The following BRSK1 variants were observed in gnomAD, a reference collection of about 807,000 sequenced individuals.
BRSK1 encodes serine/threonine-protein kinase BRSK1.
A neutral mutation model predicts 86.2 loss-of-function variants in BRSK1; 17 were observed. The ratio of observed to expected loss-of-function variants is 0.20; its 90% CI spans 0.14 to 0.30. The LOEUF (loss-of-function observed/expected upper bound fraction) is 0.30. BRSK1 is among the 10% of genes least tolerant of loss of function. The probability of loss-of-function intolerance (pLI) is 1.00; values close to 1 mark genes in which losing one functional copy is unlikely to be tolerated. For synonymous variants in BRSK1, 464 were observed against 440.1 expected, an observed-to-expected ratio of 1.05 and a Z score of -0.68; for missense variants, 719 against 1,071.9, an observed-to-expected ratio of 0.67 and a Z score of 4.60.
chr19:55,290,058 G>C (rs12461244), intron 4 of BRSK1, among the ~76,000 whole-genome samples: 65,761 of 152,034 alleles, frequency 0.43, 14,534 homozygotes, highest in East Asian at 0.72. Flanking sequence ...GCAATGGTGT[G>C]ATCTTGGCTC....
intron 7 of BRSK1, among the ~76,000 whole-genome samples, chr19:55,300,436 C>T (rs1013074143): frequency 1.3e-5 from 2 of 152,224 alleles, no homozygotes; most frequent in African/African-American, 4.8e-5. Context: ...GGTGCGGTGG[C>T]TCACACCTGT....
chr19:55,305,623 C>T (rs749798170), intron 16 of BRSK1, 37 bp downstream of exon 16: 8 of 1,612,828 alleles, frequency 5.0e-6, no homozygotes, highest in African/African-American at 2.7e-5. Context: ...CTGGCCCCCG[C>T]AGAACTACAA....
chr19:55,286,234 T>C (rs1236620283), intron 1 of BRSK1, among the ~76,000 whole-genome samples: 1 of 133,588 alleles, frequency 7.5e-6, no homozygotes, highest in Non-Finnish European at 1.6e-5. Flanking sequence ...AATGGGGGCC[T>C]GGACTCCTGG....
At position 55,304,235 on chromosome 19, in the gene BRSK1, C is replaced by A; in HGVS notation, c.1347+125C>A. The A allele has an allele frequency of 9.5e-7, 1 of 1,048,544 alleles. No homozygotes were observed. The highest frequency in any genetic ancestry group is 1.4e-6 in the Non-Finnish European group (1 of 734,182). The allele number at this position is 1,048,544 out of a possible 1,614,324, so 65.0% of individuals were successfully genotyped here. A position where few individuals can be genotyped will look rare whatever the true frequency, so the allele number is the denominator to read the frequency against. The stretch of plus-strand genomic sequence containing the variant: ...ACTTGCTTCTTTGTCCCTGGAGGGC[C>A]AAAGACCCAAGGCCTCCAAAGTATT... On this transcript the variant is annotated intron_variant, in intron 13 of 18. Coordinates refer to ENST00000309383, the MANE Select transcript of BRSK1 (RefSeq NM_032430.2). The surrounding 1 kb of genome is among the most constrained non-coding windows in gnomAD (Gnocchi z 5.2).
chr19:55,291,884 G>A (rs931124315), intron 4 of BRSK1, among the ~76,000 whole-genome samples: 5 of 152,142 alleles, frequency 3.3e-5, no homozygotes, highest in South Asian at 2.1e-4. Context: ...TCAACCTTCC[G>A]AGTACCTGGG....
rs577273664 is a variant in BRSK1, at chr19:55,294,466, T to G, written c.678+69T>G. 1,065 of 1,519,554 alleles carry G rather than the reference T, an allele frequency of 7.0e-4. 19 individuals carry two copies. The South Asian group carries it at 0.011, about 16-fold the overall frequency. 94.1% of individuals were successfully genotyped at this position (1,519,554 alleles called of 1,614,324 possible). A position where few individuals can be genotyped will look rare whatever the true frequency, so the allele number is the denominator to read the frequency against. ...CCTGGTGGGAGCATAGGACAGTACC[T>G]TCCATCCTCAGGTCATCTCCTGAAT... On this transcript the variant is annotated intron_variant, in intron 7 of 18. Transcript: ENST00000309383. The surrounding 1 kb of genome is among the most constrained non-coding windows in gnomAD (Gnocchi z 4.9).
Position 55,294,171 on chromosome 19 carries a change from G to A in BRSK1, c.575+38G>A. 1 of 1,611,806 alleles carries A rather than the reference G, an allele frequency of 6.2e-7. No homozygotes were observed. The highest frequency in any genetic ancestry group is 8.5e-7 in the Non-Finnish European group (1 of 1,178,276). On this transcript the variant is annotated intron_variant, in intron 5 of 18. Coordinates refer to ENST00000309383, the MANE Select transcript of BRSK1 (RefSeq NM_032430.2). This position sits in a 1 kb window ranked among gnomAD's most constrained non-coding sequence, Gnocchi z 4.9. ...TGGGCTCCCGAGACCCTGGGCAGGG[G>A]TTTAGAAGCTGGCTGGAGGCTCACA...
In BRSK1 at chr19:55,311,982, C is replaced by G. The variant is rs749161942; in HGVS notation, c.2251C>G (p.Pro751Ala). The G allele has an allele frequency of 6.3e-7, 1 of 1,583,918 alleles. No homozygotes were observed. The highest frequency in any genetic ancestry group is 1.3e-5 in the African/African-American group (1 of 74,300). The change falls in exon 19 of 19, where the codon CCA becomes GCA. Residue 751 changes from proline (P) to alanine (A), a missense_variant. Coordinates refer to ENST00000309383, the MANE Select transcript of BRSK1 (RefSeq NM_032430.2). ...AAGCCTGCAGCCCCCACCCGGCCGC[C>G]CAGACCCAGAGCTGAGCAGCTCTCC... ...PRSLQPPPGR[P>A]DPELSSSPRR...
intron 18 of BRSK1, among the ~76,000 whole-genome samples, chr19:55,308,964 G>T (rs1334512167): frequency 5.3e-5 from 8 of 152,134 alleles, no homozygotes; most frequent in Admixed American, 4.6e-4. Context: ...TTGTGAGCAG[G>T]TTCCCCGAGA....
At chr19:55,289,916 C>T (rs1275607320) in intron 4 of BRSK1, among the ~76,000 whole-genome samples, 2 of 152,208 alleles carry the variant, frequency 1.3e-5, no homozygotes, top group Non-Finnish European at 2.9e-5. Context: ...CCCCGGCAAC[C>T]TATGTTCTGT....
rs899832365 is a variant in BRSK1 at position 55,302,475 on chromosome 19, G to A, written c.858-222G>A. The A allele has an allele frequency of 1.1e-4, 67 of 636,834 alleles. No individual in the cohort carries two copies. The highest frequency in any genetic ancestry group is 1.7e-4 in the Non-Finnish European group (62 of 372,568). The allele number at this position is 636,834 out of a possible 1,614,324, so 39.4% of individuals were successfully genotyped here. ...GACTTCTGGGTCTGAAGAAGGAGGG[G>A]CCGGGGGCCTGGACCCCTCGGTCGG... On this transcript the variant is annotated intron_variant, in intron 9 of 18. Coordinates refer to ENST00000309383, the MANE Select transcript of BRSK1 (RefSeq NM_032430.2). The surrounding 1 kb of genome is among the most constrained non-coding windows in gnomAD (Gnocchi z 6.3).
Position 55,294,183 on chromosome 19 carries a change from G to A in BRSK1, c.576-31G>A. The A allele has an allele frequency of 1.2e-6, 2 of 1,612,114 alleles. No individual in the cohort carries two copies. The highest frequency in any genetic ancestry group is 1.7e-6 in the Non-Finnish European group (2 of 1,178,514). On this transcript the variant is annotated intron_variant, in intron 5 of 18. Transcript: ENST00000309383. This position sits in a 1 kb window ranked among gnomAD's most constrained non-coding sequence, Gnocchi z 4.9. Reference sequence around the variant, plus strand: ...ACCCTGGGCAGGGGTTTAGAAGCTGGCTGGAGGCTCACATCAGCTCTCTCC... The same window carrying A: ...ACCCTGGGCAGGGGTTTAGAAGCTGACTGGAGGCTCACATCAGCTCTCTCC...
intron 18 of BRSK1, among the ~76,000 whole-genome samples, chr19:55,309,521 C>T (rs1232602063): frequency 6.6e-6 from 1 of 152,234 alleles, no homozygotes; most frequent in Admixed American, 6.5e-5. Context: ...AGCGTTGGTG[C>T]CTGGTGAGAG....
intron 7 of BRSK1, among the ~76,000 whole-genome samples, chr19:55,300,477 C>CA (rs2122970060): frequency 6.6e-6 from 1 of 152,032 alleles, no homozygotes; most frequent in African/African-American, 2.4e-5. Context: ...CTGAGGCGGG[C>CA]AGATCACCTG....
intron 3 of BRSK1, among the ~76,000 whole-genome samples, chr19:55,288,214 C>T (rs189180561): frequency 6.6e-6 from 1 of 152,212 alleles, no homozygotes; most frequent in Admixed American, 6.5e-5. Context: ...GGCGCGGTGG[C>T]TCATGCCTGT....
intron 4 of BRSK1, among the ~76,000 whole-genome samples, chr19:55,291,006 C>CT (rs35088421): frequency 0.7 from 106,511 of 151,940 alleles, 37,722 homozygotes; most frequent in East Asian, 0.84. Flanking sequence ...CTAAGGTCTT[C>CT]TGTATATTTT....
chr19:55,295,161 C>T (rs183352697), intron 7 of BRSK1, among the ~76,000 whole-genome samples: 225 of 148,812 alleles, frequency 1.5e-3, no homozygotes, highest in African/African-American at 5.3e-3. Flanking sequence ...CTCTCTCTGT[C>T]GCCCAGGCTG....
chr19:55,288,309 C>T (rs1440669067), intron 3 of BRSK1, among the ~76,000 whole-genome samples: 1 of 151,812 alleles, frequency 6.6e-6, no homozygotes, highest in African/African-American at 2.4e-5. Flanking sequence ...AACCCCGTCT[C>T]TACAAAAAAT....
intron 1 of BRSK1, among the ~76,000 whole-genome samples, chr19:55,286,077 T>TG (rs1162002039): frequency 5.3e-5 from 1 of 18,860 alleles, no homozygotes; most frequent in African/African-American, 2.7e-4. Context: ...GAGGAGGGGC[T>TG]GGGGGCCTGG....
Sources: gnomAD v4.1 joint callset for allele counts (sites outside exome capture counted in the v4.1 genomes callset) on GRCh38, gnomAD v4.1.1 for gene constraint, Gnocchi (gnomAD v3.1) non-coding constraint, MANE v1.5 for transcripts, NCBI Gene and HGNC (gene_info 2026-07-23, HGNC 2026-07-21) for gene names.